WFDC11: variants seen among roughly 807,000 people sequenced by gnomAD.
WFDC11 encodes the protein protein WFDC11.
In WFDC11, 9 loss-of-function variants were observed where a neutral mutation model predicts 9.9. That is an observed-to-expected ratio of 0.91 (90% CI 0.55 to 1.58). The LOEUF is 1.58. Among genes scored for constraint, WFDC11 ranks in the 40% most tolerant of loss-of-function variants. WFDC11 has a pLI of 0.00. For synonymous variants in WFDC11, 32 were observed against 33.3 expected, an observed-to-expected ratio of 0.96 and a Z score of 0.13; for missense variants, 106 against 101.7, an observed-to-expected ratio of 1.04 and a Z score of -0.18.
intron 2 of WFDC11, among the ~76,000 whole-genome samples, chr20:45,658,513 A>G (rs1301545408): frequency 1.3e-5 from 2 of 152,076 alleles, no homozygotes; most frequent in Admixed American, 6.6e-5. Flanking sequence ...GTAGCGTTAC[A>G]TGATCGTTTG....
chr20:45,660,624 T>G (rs1983036587), intron 2 of WFDC11, among the ~76,000 whole-genome samples: 1 of 152,084 alleles, frequency 6.6e-6, no homozygotes, highest in Admixed American at 6.6e-5. Flanking sequence ...GTCCATGTGT[T>G]CTCATTGTTC....
At chr20:45,661,104 C>T (rs1983052471) in intron 2 of WFDC11, among the ~76,000 whole-genome samples, 1 of 152,156 alleles carries the variant, frequency 6.6e-6, no homozygotes, top group Non-Finnish European at 1.5e-5. Flanking sequence ...TTAATGATTG[C>T]CATTCTAACT....
intron 2 of WFDC11, among the ~76,000 whole-genome samples, chr20:45,652,645 A>T (rs1382926281): frequency 6.6e-6 from 1 of 152,202 alleles, no homozygotes; most frequent in Non-Finnish European, 1.5e-5. Flanking sequence ...CTAAAGGAGG[A>T]AGTTCGAACC....
chr20:45,661,587 T>C (rs2145621734), intron 2 of WFDC11, among the ~76,000 whole-genome samples: 1 of 152,348 alleles, frequency 6.6e-6, no homozygotes, highest in Non-Finnish European at 1.5e-5. Flanking sequence ...CTTGAATTAA[T>C]TTTTGTATAC....
At chr20:45,665,917 C>T (rs183199076) in intron 2 of WFDC11, among the ~76,000 whole-genome samples, 1 of 152,328 alleles carries the variant, frequency 6.6e-6, no homozygotes, top group African/African-American at 2.4e-5. Context: ...GTTCTCAGAG[C>T]TCAAACACCA....
chr20:45,660,936 A>G (rs1024667635), intron 2 of WFDC11, among the ~76,000 whole-genome samples: 22 of 152,332 alleles, frequency 1.4e-4, no homozygotes, highest in African/African-American at 5.1e-4. Flanking sequence ...ATACCCAGTA[A>G]TGGGATGGCT....
Position 45,649,298 on chromosome 20 carries a change from A to G in WFDC11, c.202T>C (p.Cys68Arg). 6.2e-7 allele frequency: 1 copy of G among 1,614,186 alleles called. No homozygotes were observed. Among genetic ancestry groups the G allele is most frequent in the African/African-American group, 1.3e-5 (1 of 75,054 alleles). The change falls in exon 4 of 5, where the codon TGC becomes CGC. Residue 68 changes from cysteine to arginine, a missense_variant. Physicochemically the swap from Cys to Arg is radical, Grantham distance 180. Coordinates refer to ENST00000324384, the MANE Select transcript of WFDC11 (RefSeq NM_147197.2). ...ATGTTTCCACAATAGGTCCAGCAGC[A>G]TGTGTAATTTTTGTCTTTACATCTA... ...AFRCKDKNYT[C>R]CWTYCGNICW...
At chr20:45,668,591 CAATT>C (rs1254166613) in intron 1 of WFDC11, among the ~76,000 whole-genome samples, 2 of 152,014 alleles carry the variant, frequency 1.3e-5, no homozygotes, top group Admixed American at 6.6e-5. Context: ...ATGAAAATGA[CAATT>C]AAATTTAAAA....
At chr20:45,662,092 A>G (rs1169019643) in intron 2 of WFDC11, among the ~76,000 whole-genome samples, 1 of 151,810 alleles carries the variant, frequency 6.6e-6, no homozygotes, top group Non-Finnish European at 1.5e-5. Flanking sequence ...CTTTTATTTC[A>G]TTGAGCAGTG....
At chr20:45,655,194 G>A (rs868816297) in intron 2 of WFDC11, among the ~76,000 whole-genome samples, 1 of 152,286 alleles carries the variant, frequency 6.6e-6, no homozygotes, top group Non-Finnish European at 1.5e-5. Flanking sequence ...TAAAATACTG[G>A]CAAACTGAAT....
intron 2 of WFDC11, among the ~76,000 whole-genome samples, chr20:45,665,772 G>A (rs1321321530): frequency 6.6e-6 from 1 of 152,152 alleles, no homozygotes; most frequent in East Asian, 1.9e-4. Context: ...AAATATTGCT[G>A]CCTGATCCTT....
chr20:45,652,295 C>A (rs1982825416), intron 2 of WFDC11, among the ~76,000 whole-genome samples: 2 of 152,166 alleles, frequency 1.3e-5, no homozygotes, highest in Admixed American at 1.3e-4. Flanking sequence ...TGTTGTGCAG[C>A]CTCCACTGCT....
At chr20:45,666,905 A>G (rs1983198684) in intron 2 of WFDC11, among the ~76,000 whole-genome samples, 183 bp downstream of exon 2, 2 of 152,208 alleles carry the variant, frequency 1.3e-5, no homozygotes, top group Admixed American at 6.5e-5. Context: ...ATGTCTATCC[A>G]TGTTATCTTT....
At chr20:45,663,253 G>A (rs1194214434) in intron 2 of WFDC11, among the ~76,000 whole-genome samples, 3 of 152,142 alleles carry the variant, frequency 2.0e-5, no homozygotes, top group Admixed American at 6.5e-5. Flanking sequence ...ATTTCTGTGG[G>A]ATTGGTGGTG....
chr20:45,650,428 A>G, intron 3 of WFDC11, 73 bp downstream of exon 3: 1 of 1,293,654 alleles, frequency 7.7e-7, no homozygotes, highest in Non-Finnish European at 1.1e-6. Flanking sequence ...ACAGCGGACA[A>G]TGAAACCCCC....
chr20:45,660,690 G>C lies in WFDC11; in HGVS notation c.-52+6398C>G, dbSNP rs540374720. ...GTTTGGTTTTTTTGTTCTTGTGATGGTTTACTGAGAATGATGATTTCCAAT... is the reference window on the plus strand; with the variant it reads ...GTTTGGTTTTTTTGTTCTTGTGATGCTTTACTGAGAATGATGATTTCCAAT... On this transcript the variant is annotated intron_variant, in intron 2 of 4. Transcript: ENST00000324384. Among the ~76,000 whole-genome samples the C allele has an allele frequency of 7.2e-5, 11 of 152,172 alleles. 1 individual carries two copies. In the South Asian group the frequency reaches 2.3e-3, roughly 32 times the overall value.
chr20:45,649,359 AT>A lies in WFDC11; in HGVS notation c.140del (p.Asn47MetfsTer33). The A allele has an allele frequency of 1.9e-6, 3 of 1,614,134 alleles. No homozygotes were observed. The highest frequency in any genetic ancestry group is 1.7e-6 in the Non-Finnish European group (2 of 1,180,016). On this transcript the variant is annotated frameshift_variant, in exon 4 of 5. Coordinates refer to ENST00000324384, the MANE Select transcript of WFDC11 (RefSeq NM_147197.2). LOFTEE classifies it high-confidence loss of function. ...AACACTTATTGGTACATTCTTTGAC[AT>A]TTGGCTTTCCCCAGCATTCTTCAAG... ...LLLEECWGKP[N>X]VKECTNKCSK...
At chr20:45,659,740 G>C (rs995433018) in intron 2 of WFDC11, among the ~76,000 whole-genome samples, 1 of 152,092 alleles carries the variant, frequency 6.6e-6, no homozygotes, top group Non-Finnish European at 1.5e-5. Flanking sequence ...TGTCAATTTT[G>C]GCTTTTGCTG....
chr20:45,658,166 C>T (rs1252374058), intron 2 of WFDC11, among the ~76,000 whole-genome samples: 2 of 152,088 alleles, frequency 1.3e-5, no homozygotes, highest in African/African-American at 4.8e-5. Flanking sequence ...ATAAACATAT[C>T]CATCACCTCC....
Sources: gnomAD v4.1 joint callset for allele counts (sites outside exome capture counted in the v4.1 genomes callset) on GRCh38, gnomAD v4.1.1 for gene constraint, MANE v1.5 for transcripts, NCBI Gene and HGNC (gene_info 2026-07-23, HGNC 2026-07-21) for gene names.